Variants in SMYD3 observed in about 807,000 individuals in gnomAD.
SMYD3 encodes histone-lysine N-methyltransferase SMYD3.
Under a neutral mutation model 57.7 loss-of-function variants are expected in SMYD3, and 36 were observed. That is an observed-to-expected ratio of 0.62 (90% CI 0.48 to 0.82). SMYD3 has a LOEUF of 0.82. SMYD3 is among the 40% of genes least tolerant of loss of function. The pLI, the probability that SMYD3 is intolerant of heterozygous loss-of-function variation, is 0.00. For synonymous variants in SMYD3, 211 were observed against 195.0 expected (o/e 1.08, Z -0.68); for missense variants, 515 against 538.8 (o/e 0.96, Z 0.44).
At chr1:245,775,728 A>T (rs113761750) in intron 10 of SMYD3, among the ~76,000 whole-genome samples, 23,129 of 147,240 alleles carry the variant, frequency 0.16, 2,689 homozygotes, top group African/African-American at 0.34. Flanking sequence ...AAAAAAAAAA[A>T]AATAAAAAAA....
intron 10 of SMYD3, among the ~76,000 whole-genome samples, chr1:245,780,281 C>T (rs780269820): frequency 6.6e-6 from 1 of 152,086 alleles, no homozygotes; most frequent in Non-Finnish European, 1.5e-5. Flanking sequence ...ATCCAAATGC[C>T]TATCATTTTA....
intron 5 of SMYD3, among the ~76,000 whole-genome samples, chr1:245,938,337 G>T (rs6694720): frequency 0.047 from 7,193 of 152,258 alleles, 504 homozygotes; most frequent in African/African-American, 0.16. Context: ...AGCACCTTGG[G>T]GGGCCACTCC....
chr1:246,152,723 A>G (rs565672213), intron 5 of SMYD3, among the ~76,000 whole-genome samples: 1 of 152,192 alleles, frequency 6.6e-6, no homozygotes, highest in African/African-American at 2.4e-5. Context: ...ATAGAAATAA[A>G]TTAACCTGGA....
At position 246,381,353 on chromosome 1, in the gene SMYD3, T is replaced by C. The variant is rs557921965; in HGVS notation, c.165-26259A>G. 1.2e-4 allele frequency among the ~76,000 whole-genome samples: 19 copies of C among 152,304 alleles called. No individual in the cohort carries two copies. In the East Asian group the frequency reaches 3.7e-3, roughly 29 times the overall value. On this transcript the variant is annotated intron_variant, in intron 1 of 11. Transcript: ENST00000490107. Reference sequence around the variant, plus strand: ...CATAAAAAAATAAAAACAAAACCTATTATGATACCTGAAATTATTTTAACA... The same window carrying C: ...CATAAAAAAATAAAAACAAAACCTACTATGATACCTGAAATTATTTTAACA...
At chr1:246,002,482 CTAAT>C (rs2059084925) in intron 5 of SMYD3, among the ~76,000 whole-genome samples, 1 of 65,478 alleles carries the variant, frequency 1.5e-5, no homozygotes. Context: ...CCACGCCCGG[CTAAT>C]TTTTTGTATT....
intron 8 of SMYD3, among the ~76,000 whole-genome samples, chr1:245,888,944 T>C (rs570034422): frequency 2.0e-5 from 3 of 152,330 alleles, no homozygotes; most frequent in African/African-American, 7.2e-5. Flanking sequence ...ACATACTCCC[T>C]GTAGCTTACC....
intron 11 of SMYD3, among the ~76,000 whole-genome samples, chr1:245,758,670 C>T (rs550378627): frequency 9.9e-5 from 15 of 152,122 alleles, no homozygotes; most frequent in Admixed American, 2.6e-4. Flanking sequence ...GTCTTCTTTA[C>T]GGCTTCTACT....
At chr1:246,268,289 G>A (rs2064149794) in intron 5 of SMYD3, among the ~76,000 whole-genome samples, 2 of 152,200 alleles carry the variant, frequency 1.3e-5, no homozygotes, top group Non-Finnish European at 2.9e-5. Context: ...CGTCCTCACT[G>A]CTACACTCCC....
chr1:246,303,676 T>C (rs1191367167), intron 5 of SMYD3, among the ~76,000 whole-genome samples: 1 of 152,142 alleles, frequency 6.6e-6, no homozygotes, highest in African/African-American at 2.4e-5. Flanking sequence ...AATAGAAAAA[T>C]GTGTACAGCG....
At chr1:246,407,761 G>C (rs1355736771) in intron 1 of SMYD3, among the ~76,000 whole-genome samples, 1 of 151,910 alleles carries the variant, frequency 6.6e-6, no homozygotes, top group African/African-American at 2.4e-5. Context: ...AAAATCACTT[G>C]AACCTGGGAG....
At chr1:246,032,445 C>G (rs2059694772) in intron 5 of SMYD3, among the ~76,000 whole-genome samples, 1 of 152,206 alleles carries the variant, frequency 6.6e-6, no homozygotes, top group African/African-American at 2.4e-5. Context: ...CAGCCATGAG[C>G]TGCCTGCCCT....
At chr1:246,310,815 ATG>A (rs1354942365) in intron 5 of SMYD3, among the ~76,000 whole-genome samples, 1 of 151,990 alleles carries the variant, frequency 6.6e-6, no homozygotes, top group Non-Finnish European at 1.5e-5. Context: ...GTCTACAGGC[ATG>A]TGCCACCACG....
At chr1:246,165,752 A>C (rs111635201) in intron 5 of SMYD3, among the ~76,000 whole-genome samples, 145 of 105,138 alleles carry the variant, frequency 1.4e-3, no homozygotes, top group African/African-American at 6.8e-3. Flanking sequence ...TGATTATTAA[A>C]GTTACTTACA....
chr1:245,977,384 A>T lies in SMYD3; in HGVS notation c.532-47447T>A, dbSNP rs1405039578. 1.1e-4 allele frequency among the ~76,000 whole-genome samples: 16 copies of T among 152,210 alleles called. No individual in the cohort carries two copies. The East Asian group carries it at 3.1e-3, about 30-fold the overall frequency. On this transcript the variant is annotated intron_variant, in intron 5 of 11. Coordinates refer to ENST00000490107, the MANE Select transcript of SMYD3 (RefSeq NM_001167740.2). Reference sequence around the variant, plus strand: ...GGAGGAAGTCCATCCTTAATCACAAAACCGAAAGGAGGGGCCACGCACGGT... The same window carrying T: ...GGAGGAAGTCCATCCTTAATCACAATACCGAAAGGAGGGGCCACGCACGGT...
At chr1:245,849,996 G>A (rs2050880443) in intron 10 of SMYD3, among the ~76,000 whole-genome samples, 2 of 152,066 alleles carry the variant, frequency 1.3e-5, no homozygotes, top group South Asian at 4.1e-4. Context: ...TGGGTTTCCA[G>A]GGTCCTGGCA....
At chr1:245,837,237 C>CAAA (rs5782371) in intron 10 of SMYD3, among the ~76,000 whole-genome samples, 1 of 110,794 alleles carries the variant, frequency 9.0e-6, no homozygotes, top group African/African-American at 3.2e-5. Flanking sequence ...GCCTCTGTCT[C>CAAA]AAAAAAAAAA....
At chr1:245,874,100 T>A (rs549622686) in intron 8 of SMYD3, among the ~76,000 whole-genome samples, 61 of 152,352 alleles carry the variant, frequency 4.0e-4, no homozygotes, top group African/African-American at 1.4e-3. Flanking sequence ...TTGTTCTGAT[T>A]TGTCCCTCCT....
At chr1:245,932,078 A>G (rs912505668) in intron 5 of SMYD3, among the ~76,000 whole-genome samples, 35 of 152,238 alleles carry the variant, frequency 2.3e-4, no homozygotes, top group Admixed American at 4.6e-4. Context: ...TTAAATGTGT[A>G]TAATTTGGGA....
intron 5 of SMYD3, among the ~76,000 whole-genome samples, chr1:246,002,431 G>A (rs71638305): frequency 0.11 from 4,341 of 38,014 alleles, 1,636 homozygotes; most frequent in Middle Eastern, 0.22. Context: ...TGATCCACCC[G>A]CCTCGGCCTC....
Sources: gnomAD v4.1 joint callset for allele counts (sites outside exome capture counted in the v4.1 genomes callset) on GRCh38, gnomAD v4.1.1 for gene constraint, MANE v1.5 for transcripts, NCBI Gene and HGNC (gene_info 2026-07-23, HGNC 2026-07-21) for gene names.